The following KHDC1 variants were observed in gnomAD, a reference collection of about 807,000 sequenced individuals.
KHDC1 encodes the protein KH homology domain-containing protein 1.
KHDC1 carries 21 observed loss-of-function variants against 24.7 expected under a neutral mutation model. The ratio of observed to expected loss-of-function variants is 0.85; its 90% CI spans 0.60 to 1.23. KHDC1 has a LOEUF of 1.23. Ranked by LOEUF, KHDC1 falls within the 50% of genes most tolerant of loss-of-function variation. The pLI, the probability that KHDC1 is intolerant of heterozygous loss-of-function variation, is 0.00. For synonymous variants in KHDC1, 98 were observed against 111.7 expected (o/e 0.88, Z 0.77); for missense variants, 274 against 298.5 (o/e 0.92, Z 0.61).
chr6:73,253,279 G>A (rs1448020148), intron 2 of KHDC1, among the ~76,000 whole-genome samples: 1 of 152,136 alleles, frequency 6.6e-6, no homozygotes, highest in African/African-American at 2.4e-5. Flanking sequence ...TAACCTGCCG[G>A]GTACGGTGGC....
chr6:73,249,754 T>C (rs566617002), intron 2 of KHDC1, among the ~76,000 whole-genome samples: 1 of 151,752 alleles, frequency 6.6e-6, no homozygotes, highest in Admixed American at 6.6e-5. Context: ...TTTTATTATT[T>C]TGTTTTGTTT....
intron 2 of KHDC1, among the ~76,000 whole-genome samples, chr6:73,251,931 C>T (rs1766784202): frequency 6.6e-6 from 1 of 151,824 alleles, no homozygotes; most frequent in Non-Finnish European, 1.5e-5. Context: ...CTGAGTAGCC[C>T]AGGCTGATCT....
chr6:73,289,766 T>C lies in KHDC1; in HGVS notation c.206+2232A>G, dbSNP rs575031500. The stretch of plus-strand genomic sequence containing the variant: ...CACAAGGTCAAGAGGGAAACCATCA[T>C]GGCCAACATGGTGAAACCCCATCTC... On this transcript the variant is annotated intron_variant, in intron 2 of 4. Coordinates refer to ENST00000370384, the Ensembl canonical transcript of KHDC1. Among the ~76,000 whole-genome samples the C allele has an allele frequency of 2.0e-5, 3 of 152,016 alleles. No homozygotes were observed. The South Asian group carries it at 6.3e-4, about 32-fold the overall frequency.
At chr6:73,303,427 G>T (rs1767910832) in intron 1 of KHDC1, among the ~76,000 whole-genome samples, 1 of 152,124 alleles carries the variant, frequency 6.6e-6, no homozygotes. Context: ...CACGGGTGAT[G>T]GTTTAGGCAG....
intron 1 of KHDC1, chr6:73,298,948 G>A (rs1562260580): frequency 6.6e-6 from 1 of 152,186 alleles, no homozygotes; most frequent in Non-Finnish European, 1.5e-5. Flanking sequence ...GGGAGGAAGA[G>A]GAGGAGTGTG....
intron 1 of KHDC1, chr6:73,299,099 G>C (rs1200949354): frequency 6.6e-6 from 1 of 152,268 alleles, no homozygotes; most frequent in Non-Finnish European, 1.5e-5. Flanking sequence ...GACCCTCTGC[G>C]TTAGTGAGAA....
At chr6:73,292,907 G>T in intron 1 of KHDC1, 1 of 803,828 alleles carries the variant, frequency 1.2e-6, no homozygotes, top group South Asian at 1.4e-5. Flanking sequence ...GCTTGTGAAC[G>T]ACTTCTTGGT....
chr6:73,272,187 G>A (rs556083727), intron 2 of KHDC1, among the ~76,000 whole-genome samples: 53 of 151,596 alleles, frequency 3.5e-4, no homozygotes, highest in Non-Finnish European at 6.5e-4. Context: ...TTTTTGAGAC[G>A]GAGTCTTGCT....
intron 4 of KHDC1, 72 bp from the exon 4 acceptor site, chr6:73,241,800 T>A: frequency 6.6e-7 from 1 of 1,521,924 alleles, no homozygotes; most frequent in Non-Finnish European, 9.0e-7. Flanking sequence ...CTGGACTCCA[T>A]CAGGGAGGCT....
At chr6:73,259,337 G>C (rs1281283470) in intron 2 of KHDC1, among the ~76,000 whole-genome samples, 1 of 141,286 alleles carries the variant, frequency 7.1e-6, no homozygotes, top group Non-Finnish European at 1.5e-5. Flanking sequence ...GCCCAGGCTG[G>C]AGTGCAGTGG....
chr6:73,293,003 A>T, intron 1 of KHDC1: 3 of 1,001,658 alleles, frequency 3.0e-6, no homozygotes, highest in Non-Finnish European at 4.7e-6. Context: ...CAGCATTAAC[A>T]TGTTGGCAGA....
intron 2 of KHDC1, among the ~76,000 whole-genome samples, chr6:73,254,997 C>T (rs542391735): frequency 1.5e-4 from 23 of 149,762 alleles, no homozygotes; most frequent in African/African-American, 4.4e-4. Flanking sequence ...AGCAAGACTC[C>T]GTCTCAAAAA....
At chr6:73,249,338 CT>C (rs1321820215) in intron 2 of KHDC1, among the ~76,000 whole-genome samples, 1 of 151,974 alleles carries the variant, frequency 6.6e-6, no homozygotes, top group African/African-American at 2.4e-5. Context: ...CAACAAAGTA[CT>C]TATGTACTGG....
chr6:73,290,683 G>T (rs1767633345), intron 2 of KHDC1: 3 of 459,594 alleles, frequency 6.5e-6, no homozygotes, highest in Non-Finnish European at 1.3e-5. Context: ...GTTTGCTGCT[G>T]CTGCTGGAGC....
rs896093071 is a variant in KHDC1, at chr6:73,254,096, C to G, written c.207-11566G>C. On this transcript the variant is annotated intron_variant, in intron 2 of 4. Coordinates refer to ENST00000370384, the Ensembl canonical transcript of KHDC1. ...AAACCATACCACAGGAAACCATTAG[C>G]AAATATTTTATAGGCATGGACTAAG... 3.3e-5 allele frequency among the ~76,000 whole-genome samples: 5 copies of G among 152,198 alleles called. No individual in the cohort carries two copies. The South Asian group carries it at 8.3e-4, about 25-fold the overall frequency.
rs557941487 is a variant in KHDC1 at position 73,309,994 on chromosome 6, G to A, written c.-280C>T. ...GCTCCAGGCTCGGTCACCAAACAAC[G>A]GTGATAACATCCACAACGCCACGTA... On this transcript the variant is annotated 5_prime_UTR_variant, in exon 1 of 5. Coordinates refer to ENST00000370384, the Ensembl canonical transcript of KHDC1. 3.9e-4 allele frequency: 157 copies of A among 398,334 alleles called. 1 individual carries two copies. Among genetic ancestry groups the A allele is most frequent in the Middle Eastern group, 6.8e-4 (1 of 1,474 alleles). 24.7% of individuals were successfully genotyped at this position (398,334 alleles called of 1,614,324 possible). A position where few individuals can be genotyped will look rare whatever the true frequency, so the allele number is the denominator to read the frequency against.
intron 1 of KHDC1, chr6:73,292,913 T>C: frequency 1.2e-6 from 1 of 816,718 alleles, no homozygotes. Flanking sequence ...GAACGACTTC[T>C]TGGTGGCTTG....
At chr6:73,243,663 G>T (rs1562243971) in intron 2 of KHDC1, among the ~76,000 whole-genome samples, 2 of 152,176 alleles carry the variant, frequency 1.3e-5, no homozygotes, top group African/African-American at 2.4e-5. Flanking sequence ...TCAAAACCAG[G>T]CCATGAAATC....
chr6:73,304,204 T>G (rs1352986256), intron 1 of KHDC1, among the ~76,000 whole-genome samples: 1 of 152,084 alleles, frequency 6.6e-6, no homozygotes, highest in African/African-American at 2.4e-5. Context: ...AAAATTGTTC[T>G]ACGGTTAGGT....
Sources: allele counts gnomAD v4.1 joint callset (sites outside exome capture counted in the v4.1 genomes callset), GRCh38; gene constraint gnomAD v4.1.1; transcripts MANE v1.5; gene names NCBI Gene and HGNC (gene_info 2026-07-23, HGNC 2026-07-21).